DNAH7: variants seen among roughly 807,000 people sequenced by gnomAD.
DNAH7 encodes axonemal beta dynein heavy chain 7.
In DNAH7, 397 loss-of-function variants were observed where a neutral mutation model predicts 444.6. The ratio of observed to expected loss-of-function variants is 0.89; its 90% CI spans 0.82 to 0.97. DNAH7 has a LOEUF of 0.97. Among genes scored for constraint, DNAH7 ranks in the 50% least tolerant of loss-of-function variants. The pLI, the probability that DNAH7 is intolerant of heterozygous loss-of-function variation, is 0.00. For synonymous variants in DNAH7, 1,636 were observed against 1,624.4 expected, an observed-to-expected ratio of 1.01 and a Z score of -0.17; for missense variants, 4,902 against 4,800.8, an observed-to-expected ratio of 1.02 and a Z score of -0.62.
chr2:195,762,822 C>G (rs1325500634), intron 61 of DNAH7, among the ~76,000 whole-genome samples: 1 of 151,986 alleles, frequency 6.6e-6, no homozygotes, highest in African/African-American at 2.4e-5. Context: ...ACAGACCATC[C>G]AGACAGAAAA....
chr2:195,993,315 G>A (rs544948605), intron 12 of DNAH7, among the ~76,000 whole-genome samples: 1 of 152,144 alleles, frequency 6.6e-6, no homozygotes, highest in East Asian at 1.9e-4. Flanking sequence ...ATCAGGAGAG[G>A]TTCTGTCCCT....
In DNAH7 at chr2:195,964,583, T is replaced by C. The variant is rs555686954; in HGVS notation, c.2206-3638A>G. Among the ~76,000 whole-genome samples, 130 of 148,480 alleles carry C rather than the reference T, an allele frequency of 8.8e-4. No individual in the cohort carries two copies. The Middle Eastern group carries it at 0.017, about 20-fold the overall frequency. On this transcript the variant is annotated intron_variant, in intron 17 of 64. Coordinates refer to ENST00000312428, the MANE Select transcript of DNAH7 (RefSeq NM_018897.3). The stretch of plus-strand genomic sequence containing the variant: ...ACATTTTTCCAACTACAAGATCATA[T>C]TGGCCGGGCACGGTGGCTCACGCCT...
At chr2:195,891,526 C>T in intron 31 of DNAH7, 129 bp downstream of exon 31, 1 of 824,198 alleles carries the variant, frequency 1.2e-6, no homozygotes. Context: ...CCAGAATATC[C>T]AGTACTGTGT....
chr2:195,796,349 G>C (rs1053560564), intron 56 of DNAH7, among the ~76,000 whole-genome samples: 1 of 152,064 alleles, frequency 6.6e-6, no homozygotes, highest in Non-Finnish European at 1.5e-5. Context: ...CATCTCACTG[G>C]ATGAGCCCTT....
chr2:196,054,802 T>C (rs562682661), intron 2 of DNAH7, among the ~76,000 whole-genome samples: 3 of 152,306 alleles, frequency 2.0e-5, no homozygotes, highest in African/African-American at 4.8e-5. Flanking sequence ...GATGGTTTTA[T>C]AAGGGGCTTC....
At chr2:195,928,888 G>A (rs1423563353) in intron 21 of DNAH7, among the ~76,000 whole-genome samples, 1 of 151,966 alleles carries the variant, frequency 6.6e-6, no homozygotes, top group Admixed American at 6.6e-5. Context: ...TCAGGCAAGA[G>A]AAAGAAATAA....
chr2:195,751,937 T>C (rs1693821951), intron 63 of DNAH7, among the ~76,000 whole-genome samples: 2 of 151,980 alleles, frequency 1.3e-5, no homozygotes, highest in African/African-American at 4.8e-5. Context: ...GTAATGACAG[T>C]AGGGAGACAG....
At chr2:195,871,794 A>T (rs1328261498) in intron 40 of DNAH7, among the ~76,000 whole-genome samples, 1 of 87,190 alleles carries the variant, frequency 1.1e-5, no homozygotes, top group Non-Finnish European at 2.1e-5. Flanking sequence ...AGCCGGGCGT[A>T]GTGGCGGGCG....
intron 61 of DNAH7, among the ~76,000 whole-genome samples, chr2:195,766,132 A>C (rs1404583087): frequency 6.7e-6 from 1 of 148,242 alleles, no homozygotes; most frequent in Non-Finnish European, 1.5e-5. Context: ...CTAAAGGACA[A>C]ACTTTGCATG....
Position 196,005,931 on chromosome 2 carries a change from ACAC to A in DNAH7, c.990-4076_990-4074del, listed in dbSNP as rs201014713. On this transcript the variant is annotated intron_variant, in intron 10 of 64. Coordinates refer to ENST00000312428, the MANE Select transcript of DNAH7 (RefSeq NM_018897.3). ...AAAGACATAACACACACACACACAC[ACAC>A]AAAAACTACAGACCAATATCTCATA... Among the ~76,000 whole-genome samples the A allele has an allele frequency of 7.0e-3, 1,069 of 152,258 alleles. 6 individuals are homozygous for A. Among genetic ancestry groups the A allele is most frequent in the African/African-American group, 0.024 (1,009 of 41,498 alleles).
intron 30 of DNAH7, chr2:195,893,305 G>GCTCA (rs1357265709): frequency 6.6e-6 from 1 of 152,374 alleles, no homozygotes; most frequent in East Asian, 1.9e-4. Context: ...TGCGATCTCG[G>GCTCA]CTCACTGCAA....
intron 19 of DNAH7, among the ~76,000 whole-genome samples, chr2:195,944,331 G>C (rs1689658320): frequency 6.6e-6 from 1 of 152,120 alleles, no homozygotes; most frequent in Admixed American, 6.6e-5. Flanking sequence ...CATTACAGAA[G>C]CCAGGTTTGG....
chr2:196,030,387 G>A (rs559625361), intron 5 of DNAH7, among the ~76,000 whole-genome samples: 2 of 152,304 alleles, frequency 1.3e-5, no homozygotes, highest in African/African-American at 4.8e-5. Flanking sequence ...ATGCAGTTTA[G>A]GTGGAGGCAC....
chr2:195,848,147 G>A (rs929199659), intron 46 of DNAH7, among the ~76,000 whole-genome samples: 9 of 152,204 alleles, frequency 5.9e-5, no homozygotes, highest in Non-Finnish European at 1.0e-4. Flanking sequence ...GAGAGGCCAC[G>A]CTGGGCACTG....
intron 35 of DNAH7, among the ~76,000 whole-genome samples, chr2:195,883,059 T>G (rs768543105): frequency 6.6e-6 from 1 of 152,218 alleles, no homozygotes; most frequent in Non-Finnish European, 1.5e-5. Flanking sequence ...GAAATATTTC[T>G]AGAACCAACG....
intron 57 of DNAH7, among the ~76,000 whole-genome samples, chr2:195,792,915 T>C (rs1268958388): frequency 6.6e-6 from 1 of 151,892 alleles, no homozygotes; most frequent in Non-Finnish European, 1.5e-5. Context: ...GGGATGTTCC[T>C]TGTACTATTG....
At chr2:196,046,500 T>C (rs1341602987) in intron 5 of DNAH7, among the ~76,000 whole-genome samples, 2 of 152,222 alleles carry the variant, frequency 1.3e-5, no homozygotes, top group African/African-American at 2.4e-5. Context: ...TTGATCATAC[T>C]GCTTGTTTGA....
intron 47 of DNAH7, among the ~76,000 whole-genome samples, chr2:195,836,204 C>T (rs1445712275): frequency 6.6e-6 from 1 of 152,120 alleles, no homozygotes; most frequent in African/African-American, 2.4e-5. Context: ...CTCATTTAAC[C>T]TTAGTTACCT....
At chr2:195,852,881 G>C (rs568110926) in intron 46 of DNAH7, among the ~76,000 whole-genome samples, 27 of 146,804 alleles carry the variant, frequency 1.8e-4, no homozygotes, top group African/African-American at 6.6e-4. Flanking sequence ...ATAGGAAACA[G>C]CTGATGAAGT....
Sources: gnomAD v4.1 joint callset for allele counts (sites outside exome capture counted in the v4.1 genomes callset) on GRCh38, gnomAD v4.1.1 for gene constraint, MANE v1.5 for transcripts, NCBI Gene and HGNC (gene_info 2026-07-23, HGNC 2026-07-21) for gene names.